The following BICC1 variants were observed in gnomAD, a reference collection of about 807,000 sequenced individuals.
BICC1 encodes the protein BicC family RNA binding protein 1.
A neutral mutation model predicts 111.0 loss-of-function variants in BICC1; 43 were observed. The ratio of observed to expected loss-of-function variants is 0.39; its 90% CI spans 0.30 to 0.50. The LOEUF is 0.50. Among genes scored for constraint, BICC1 ranks in the 20% least tolerant of loss-of-function variants. The probability of loss-of-function intolerance (pLI) is 0.88; values close to 1 mark genes in which losing one functional copy is unlikely to be tolerated. For synonymous variants in BICC1, 467 were observed against 434.4 expected, an observed-to-expected ratio of 1.07 and a Z score of -0.93; for missense variants, 1,091 against 1,203.2, an observed-to-expected ratio of 0.91 and a Z score of 1.38.
chr10:58,613,096 A>G (rs1416344725), intron 1 of BICC1, among the ~76,000 whole-genome samples: 2 of 152,250 alleles, frequency 1.3e-5, no homozygotes, highest in Non-Finnish European at 2.9e-5. Flanking sequence ...TATAATAAAC[A>G]TAAAAAATGA....
chr10:58,565,456 TC>T (rs1242773846), intron 1 of BICC1, among the ~76,000 whole-genome samples: 2 of 152,144 alleles, frequency 1.3e-5, no homozygotes, highest in Non-Finnish European at 2.9e-5. Flanking sequence ...TGTAGCCTAT[TC>T]CTTGGGGGTT....
At chr10:58,545,796 T>C (rs1341573122) in intron 1 of BICC1, among the ~76,000 whole-genome samples, 1 of 152,084 alleles carries the variant, frequency 6.6e-6, no homozygotes, top group Non-Finnish European at 1.5e-5. Flanking sequence ...ATGCCAGGGA[T>C]GTCTGTGTTT....
At chr10:58,604,737 G>C (rs964909742) in intron 1 of BICC1, among the ~76,000 whole-genome samples, 6 of 152,234 alleles carry the variant, frequency 3.9e-5, no homozygotes, top group African/African-American at 1.4e-4. Flanking sequence ...TATGTCTTTA[G>C]AAAACATAGT....
At position 58,800,786 on chromosome 10, in the gene BICC1, T is replaced by C. The variant is rs1462413649; in HGVS notation, c.1859-104T>C. 4.4e-6 allele frequency: 5 copies of C among 1,145,216 alleles called. No individual in the cohort carries two copies. In the African/African-American group the frequency reaches 7.9e-5, roughly 18 times the overall value. The allele number at this position is 1,145,216 out of a possible 1,614,324, so 70.9% of individuals were successfully genotyped here. A position where few individuals can be genotyped will look rare whatever the true frequency, so the allele number is the denominator to read the frequency against. ...GAAGAGGTCTCTGTCAGGTTAATCA[T>C]GTCTCCATAGAGTAGGGTTCTGATT... On this transcript the variant is annotated intron_variant, in intron 13 of 20. Coordinates refer to ENST00000373886, the MANE Select transcript of BICC1 (RefSeq NM_001080512.3).
At chr10:58,626,625 A>T (rs1837636823) in intron 2 of BICC1, among the ~76,000 whole-genome samples, 1 of 152,210 alleles carries the variant, frequency 6.6e-6, no homozygotes, top group African/African-American at 2.4e-5. Context: ...ACACAGGAAG[A>T]CTGGGTTTTG....
At chr10:58,618,071 G>A (rs1407190991) in intron 1 of BICC1, among the ~76,000 whole-genome samples, 1 of 152,198 alleles carries the variant, frequency 6.6e-6, no homozygotes, top group African/African-American at 2.4e-5. Flanking sequence ...TGGAATGTAA[G>A]ACCTATGTGT....
chr10:58,555,079 C>T (rs1289840025), intron 1 of BICC1, among the ~76,000 whole-genome samples: 1 of 151,804 alleles, frequency 6.6e-6, no homozygotes, highest in Non-Finnish European at 1.5e-5. Flanking sequence ...ATAAGTAACT[C>T]ACATAGTGGG....
At chr10:58,800,019 A>C (rs998953149) in intron 12 of BICC1, among the ~76,000 whole-genome samples, 175 bp from the exon 13 acceptor site, 8 of 152,068 alleles carry the variant, frequency 5.3e-5, no homozygotes, top group Non-Finnish European at 1.0e-4. Flanking sequence ...ATCACCTACA[A>C]TTTCTTTCAG....
chr10:58,716,377 G>A (rs1840741118), intron 3 of BICC1: 5 of 1,199,476 alleles, frequency 4.2e-6, no homozygotes, highest in Admixed American at 6.1e-5. Context: ...TTACTAACAT[G>A]CATGAATTTT....
chr10:58,742,204 A>G lies in BICC1; in HGVS notation c.307+40061A>G, dbSNP rs527455656. On this transcript the variant is annotated intron_variant, in intron 3 of 20. Coordinates refer to ENST00000373886, the MANE Select transcript of BICC1 (RefSeq NM_001080512.3). Reference sequence around the variant, plus strand: ...AAGTATTACTTCACACCCAAGTGTCATGTTTCATTTTACTTGTGTATGTTT... The same window carrying G: ...AAGTATTACTTCACACCCAAGTGTCGTGTTTCATTTTACTTGTGTATGTTT... Among the ~76,000 whole-genome samples, 10 of 152,218 alleles carry G rather than the reference A, an allele frequency of 6.6e-5. No homozygotes were observed. The East Asian group carries it at 7.7e-4, about 12-fold the overall frequency.
At chr10:58,765,709 T>C (rs1054378931) in intron 3 of BICC1, among the ~76,000 whole-genome samples, 4 of 152,222 alleles carry the variant, frequency 2.6e-5, no homozygotes, top group African/African-American at 7.2e-5. Context: ...AAATTTTGTA[T>C]TCTAAGATGA....
Position 58,657,818 on chromosome 10 carries a change from C to G in BICC1, c.237+36917C>G, listed in dbSNP as rs1838708081. Among the ~76,000 whole-genome samples the G allele has an allele frequency of 2.0e-5, 3 of 147,278 alleles. No homozygotes were observed. The Admixed American group carries it at 2.0e-4, about 10-fold the overall frequency. On this transcript the variant is annotated intron_variant, in intron 2 of 20. Coordinates refer to ENST00000373886, the MANE Select transcript of BICC1 (RefSeq NM_001080512.3). ...ATAAAGATCACTCATATTTTTTTTT[C>G]TTCTTGCTGCATATTACATATTATT...
chr10:58,761,799 A>G (rs1352165671), intron 3 of BICC1, among the ~76,000 whole-genome samples: 1 of 152,182 alleles, frequency 6.6e-6, no homozygotes, highest in Non-Finnish European at 1.5e-5. Flanking sequence ...AGAGGTCTAG[A>G]AAAAGTGCCT....
At chr10:58,718,786 GCGCACGCC>G (rs1241552674) in intron 3 of BICC1, among the ~76,000 whole-genome samples, 2 of 145,468 alleles carry the variant, frequency 1.4e-5, no homozygotes, top group African/African-American at 5.4e-5. Context: ...GTGCGCGCGT[GCGCACGCC>G]CGCGTGCTTA....
At chr10:58,559,400 C>G (rs1215420239) in intron 1 of BICC1, among the ~76,000 whole-genome samples, 1 of 151,322 alleles carries the variant, frequency 6.6e-6, no homozygotes, top group Non-Finnish European at 1.5e-5. Context: ...TTTTTCAGCT[C>G]TTTCATTATT....
intron 1 of BICC1, among the ~76,000 whole-genome samples, chr10:58,552,590 G>A (rs1004732125): frequency 9.2e-5 from 14 of 152,022 alleles, no homozygotes; most frequent in East Asian, 3.9e-4. Flanking sequence ...CCGCCTCGGC[G>A]TCCCAAAGTT....
chr10:58,555,901 A>G (rs528723783), intron 1 of BICC1, among the ~76,000 whole-genome samples: 1 of 152,318 alleles, frequency 6.6e-6, no homozygotes, highest in East Asian at 1.9e-4. Flanking sequence ...TATGTTCTAC[A>G]CTAAGGACCC....
At chr10:58,621,802 G>T (rs186991738) in intron 2 of BICC1, among the ~76,000 whole-genome samples, 1 of 152,082 alleles carries the variant, frequency 6.6e-6, no homozygotes, top group East Asian at 1.9e-4. Context: ...GAAGGCTGAG[G>T]CACGAGAGTC....
intron 3 of BICC1, among the ~76,000 whole-genome samples, chr10:58,718,205 T>G (rs1840809123): frequency 6.6e-6 from 1 of 152,172 alleles, no homozygotes; most frequent in Admixed American, 6.5e-5. Flanking sequence ...TTCTGGAGAC[T>G]GGGAAGTGCA....
Sources: allele counts gnomAD v4.1 joint callset (sites outside exome capture counted in the v4.1 genomes callset), GRCh38; gene constraint gnomAD v4.1.1; transcripts MANE v1.5; gene names NCBI Gene and HGNC (gene_info 2026-07-23, HGNC 2026-07-21).